The following CARMIL1 variants were observed in gnomAD, a reference collection of about 807,000 sequenced individuals.
CARMIL1 encodes F-actin-uncapping protein LRRC16A.
In CARMIL1, 90 loss-of-function variants were observed where a neutral mutation model predicts 177.1. That is an observed-to-expected ratio of 0.51 (90% CI 0.43 to 0.61). The LOEUF is 0.61. Among genes scored for constraint, CARMIL1 ranks in the 20% least tolerant of loss-of-function variants. The pLI is 0.00. For synonymous variants in CARMIL1, 577 were observed against 606.2 expected (o/e 0.95, Z 0.71); for missense variants, 1,380 against 1,667.0 (o/e 0.83, Z 3.00).
intron 2 of CARMIL1, among the ~76,000 whole-genome samples, chr6:25,313,980 A>C (rs1030347742): frequency 2.0e-5 from 3 of 151,320 alleles, no homozygotes; most frequent in Non-Finnish European, 4.4e-5. Flanking sequence ...TATTGATTCT[A>C]TGTTTTCTTT....
At chr6:25,605,778 C>T (rs777054457) in intron 34 of CARMIL1, among the ~76,000 whole-genome samples, 1 of 152,134 alleles carries the variant, frequency 6.6e-6, no homozygotes, top group Non-Finnish European at 1.5e-5. Flanking sequence ...TATGTGATTA[C>T]GGCACTGTAC....
At chr6:25,285,036 A>G (rs17677216) in intron 2 of CARMIL1, 127 bp downstream of exon 2, 16,216 of 612,672 alleles carry the variant, frequency 0.026, 290 homozygotes, top group Non-Finnish European at 0.037. Flanking sequence ...TCTGATGACC[A>G]TTTTGTCTTA....
intron 12 of CARMIL1, among the ~76,000 whole-genome samples, chr6:25,486,155 C>T (rs936438606): frequency 6.6e-6 from 1 of 152,040 alleles, no homozygotes; most frequent in African/African-American, 2.4e-5. Context: ...CAGCCAGAAT[C>T]GAGAAAGGCA....
At chr6:25,560,756 TA>T (rs749162173) in intron 29 of CARMIL1, among the ~76,000 whole-genome samples, 3 of 152,234 alleles carry the variant, frequency 2.0e-5, no homozygotes, top group Non-Finnish European at 4.4e-5. Context: ...GCATTCAATT[TA>T]GTTATACCAC....
intron 29 of CARMIL1, among the ~76,000 whole-genome samples, chr6:25,575,562 A>G (rs537942827): frequency 1.3e-5 from 2 of 152,310 alleles, no homozygotes; most frequent in Admixed American, 1.3e-4. Flanking sequence ...TCTGAGGGCT[A>G]TGTGTTAGGA....
chr6:25,517,426 A>G lies in CARMIL1; in HGVS notation c.1874+11A>G, dbSNP rs773816461. 3 of 1,608,872 alleles carry G rather than the reference A, an allele frequency of 1.9e-6. No homozygotes were observed. Among genetic ancestry groups the G allele is most frequent in the South Asian group, 2.2e-5 (2 of 90,916 alleles). On this transcript the variant is annotated intron_variant, in intron 22 of 36. Coordinates refer to ENST00000329474, the MANE Select transcript of CARMIL1 (RefSeq NM_017640.6). ...TGTTGCTATGGAAAAGTAAGTTTGA[A>G]TTAGGATTTCTTTCTAGGAAAATAA...
At chr6:25,395,119 G>A (rs1304814113) in intron 2 of CARMIL1, among the ~76,000 whole-genome samples, 1 of 152,130 alleles carries the variant, frequency 6.6e-6, no homozygotes, top group Admixed American at 6.5e-5. Context: ...AAACCCTACT[G>A]GGGACTAGGA....
At chr6:25,287,900 A>C (rs1418514639) in intron 2 of CARMIL1, among the ~76,000 whole-genome samples, 1 of 152,172 alleles carries the variant, frequency 6.6e-6, no homozygotes, top group Non-Finnish European at 1.5e-5. Flanking sequence ...TGATTTATAC[A>C]CTAGTTTTAT....
At chr6:25,519,799 T>C (rs540000391) in intron 22 of CARMIL1, among the ~76,000 whole-genome samples, 8 of 152,334 alleles carry the variant, frequency 5.3e-5, no homozygotes, top group African/African-American at 1.9e-4. Context: ...TTTATTTCTG[T>C]TTTTTTCCTT....
At chr6:25,287,985 C>T (rs536526053) in intron 2 of CARMIL1, among the ~76,000 whole-genome samples, 7 of 152,312 alleles carry the variant, frequency 4.6e-5, no homozygotes, top group African/African-American at 1.2e-4. Flanking sequence ...TCATGGGACT[C>T]GAAGCTTACA....
intron 26 of CARMIL1, among the ~76,000 whole-genome samples, chr6:25,541,534 G>A (rs536396971): frequency 2.0e-5 from 3 of 152,182 alleles, no homozygotes; most frequent in African/African-American, 7.2e-5. Flanking sequence ...CTTTCATATG[G>A]ATTCACACAC....
rs778408491 is a variant in CARMIL1, at chr6:25,479,246, G to A, written c.875-3011G>A. 2.5e-5 allele frequency: 13 copies of A among 518,852 alleles called. No individual in the cohort carries two copies. In the East Asian group the frequency reaches 6.5e-4, roughly 26 times the overall value. 32.1% of individuals were successfully genotyped at this position (518,852 alleles called of 1,614,324 possible). ...TATTCTGACTTCTCTCATGATGGAT[G>A]AGCTTTGCCTGTTCTTTGCCTATGT... On this transcript the variant is annotated intron_variant, in intron 11 of 36. Coordinates refer to ENST00000329474, the MANE Select transcript of CARMIL1 (RefSeq NM_017640.6).
In CARMIL1 at chr6:25,450,376, G is replaced by C. The variant is rs1798666776; in HGVS notation, c.507G>C (p.Trp169Cys). Reference protein sequence around the residue: ...FSQMYACVCDWLGFSYREEVQ... With the variant: ...FSQMYACVCDCLGFSYREEVQ... Reference sequence around the variant, plus strand: ...AGATGTATGCCTGTGTTTGTGACTGGCTTGGATTTTCATACAGGGAAGAAG... The same window carrying C: ...AGATGTATGCCTGTGTTTGTGACTGCCTTGGATTTTCATACAGGGAAGAAG... The change falls in exon 7 of 37, where the codon TGG becomes TGC. Residue 169 changes from tryptophan to cysteine, a missense_variant. Coordinates refer to ENST00000329474, the MANE Select transcript of CARMIL1 (RefSeq NM_017640.6). The C allele has an allele frequency of 1.2e-6, 2 of 1,613,818 alleles. No homozygotes were observed. Among genetic ancestry groups the C allele is most frequent in the Non-Finnish European group, 1.7e-6 (2 of 1,179,786 alleles).
chr6:25,555,306 C>T (rs769517528), intron 28 of CARMIL1, among the ~76,000 whole-genome samples: 29 of 152,144 alleles, frequency 1.9e-4, no homozygotes, highest in Admixed American at 3.3e-4. Context: ...TTTCCTGGCA[C>T]AGTAAAGAGC....
At chr6:25,329,706 G>T (rs570711961) in intron 2 of CARMIL1, among the ~76,000 whole-genome samples, 55 of 152,302 alleles carry the variant, frequency 3.6e-4, no homozygotes, top group African/African-American at 1.3e-3. Context: ...ATACCTAAAT[G>T]CAGATTTCTT....
intron 2 of CARMIL1, among the ~76,000 whole-genome samples, chr6:25,301,131 C>G (rs1038080117): frequency 1.3e-5 from 2 of 152,154 alleles, no homozygotes; most frequent in Non-Finnish European, 2.9e-5. Context: ...GCCTGACTCC[C>G]AAGGTACGCA....
chr6:25,490,149 G>C (rs1803060639), intron 13 of CARMIL1, among the ~76,000 whole-genome samples: 1 of 152,136 alleles, frequency 6.6e-6, no homozygotes, highest in Non-Finnish European at 1.5e-5. Flanking sequence ...GGCGGCAGGT[G>C]CAGGAGTTTA....
At chr6:25,446,414 C>T (rs769964981) in intron 5 of CARMIL1, among the ~76,000 whole-genome samples, 11 of 152,208 alleles carry the variant, frequency 7.2e-5, no homozygotes, top group Non-Finnish European at 1.3e-4. Flanking sequence ...TGTACTTTTA[C>T]GTTATGGAGA....
rs1815937160 is a variant in CARMIL1 at position 25,606,069 on chromosome 6, C to T, written c.3643C>T (p.Leu1215=). 1 of 1,612,770 alleles carries T rather than the reference C, an allele frequency of 6.2e-7. No homozygotes were observed. The highest frequency in any genetic ancestry group is 8.5e-7 in the Non-Finnish European group (1 of 1,179,314). Residue 1215 remains leucine, a synonymous_variant, in exon 35 of 37, where the codon CTG becomes TTG. Transcript: ENST00000329474. The stretch of plus-strand genomic sequence containing the variant: ...GGCCTTTTTCATCTTAGTGCCTAAA[C>T]TGCACCCAGGTCTTCCAGAGAACCG... The part of the protein sequence containing the change: ...RSDGGGAVPK[L]HPGLPENRFG...
Sources: gnomAD v4.1 joint callset for allele counts (sites outside exome capture counted in the v4.1 genomes callset) on GRCh38, gnomAD v4.1.1 for gene constraint, MANE v1.5 for transcripts, NCBI Gene and HGNC (gene_info 2026-07-23, HGNC 2026-07-21) for gene names.